NELL1: variants seen among roughly 807,000 people sequenced by gnomAD.
NELL1 encodes the protein neural EGFL like 1, also known as protein kinase C-binding protein NELL1.
In NELL1, 76 loss-of-function variants were observed where a neutral mutation model predicts 107.4. The ratio of observed to expected loss-of-function variants is 0.71; its 90% CI spans 0.59 to 0.86. NELL1 has a LOEUF of 0.86. Ranked by LOEUF, NELL1 falls within the 40% of genes least tolerant of loss-of-function variation. The pLI is 0.00. For missense variants in NELL1, 1,024 were observed against 1,005.5 expected (o/e 1.02, Z -0.25); for synonymous variants, 353 against 341.2 (o/e 1.03, Z -0.38).
At chr11:21,062,638 A>G (rs540754582) in intron 12 of NELL1, among the ~76,000 whole-genome samples, 1 of 152,270 alleles carries the variant, frequency 6.6e-6, no homozygotes, top group Non-Finnish European at 1.5e-5. Flanking sequence ...TGGAATTACC[A>G]TTGATCCTAC....
intron 5 of NELL1, among the ~76,000 whole-genome samples, chr11:20,891,741 C>T (rs555228926): frequency 8.6e-5 from 13 of 151,962 alleles, no homozygotes; most frequent in South Asian, 2.1e-4. Context: ...GACTTTAAAC[C>T]GACAAAGATA....
intron 2 of NELL1, among the ~76,000 whole-genome samples, chr11:20,680,087 T>C (rs368163485): frequency 1.3e-5 from 2 of 152,156 alleles, no homozygotes; most frequent in Non-Finnish European, 2.9e-5. Context: ...GAGAAGGCCT[T>C]TCGCTTATAT....
At chr11:20,815,626 T>G (rs184667254) in intron 3 of NELL1, among the ~76,000 whole-genome samples, 1 of 152,342 alleles carries the variant, frequency 6.6e-6, no homozygotes, top group African/African-American at 2.4e-5. Context: ...TGTTAATAGT[T>G]TATCTTGCTG....
At chr11:21,560,916 G>T (rs924113088) in intron 17 of NELL1, among the ~76,000 whole-genome samples, 1 of 151,956 alleles carries the variant, frequency 6.6e-6, no homozygotes, top group African/African-American at 2.4e-5. Context: ...GTTATTCTCA[G>T]TGCTGGGCCA....
At chr11:21,214,083 C>G (rs934611166) in intron 13 of NELL1, among the ~76,000 whole-genome samples, 1 of 152,064 alleles carries the variant, frequency 6.6e-6, no homozygotes, top group Admixed American at 6.5e-5. Context: ...CAATAAAGGC[C>G]TTATACAGGG....
intron 5 of NELL1, among the ~76,000 whole-genome samples, chr11:20,906,001 C>G (rs1849989540): frequency 6.6e-6 from 1 of 152,042 alleles, no homozygotes; most frequent in Admixed American, 6.6e-5. Context: ...ATAAAACCAT[C>G]AAAAGATAAA....
chr11:20,690,119 T>C (rs1854422540), intron 2 of NELL1, among the ~76,000 whole-genome samples: 1 of 152,238 alleles, frequency 6.6e-6, no homozygotes, highest in Non-Finnish European at 1.5e-5. Flanking sequence ...CTTTGCCCAC[T>C]TTTTGATGGG....
Position 20,825,846 on chromosome 11 carries a change from CA to C in NELL1, c.336-21736del, listed in dbSNP as rs1172775822. Reference sequence around the variant, plus strand: ...AACACATTTCAAACCTGGGAGGGGCCAGGGGTGGAATGATATGGTCCGGCTC... The same window carrying C: ...AACACATTTCAAACCTGGGAGGGGCCGGGGTGGAATGATATGGTCCGGCTC... On this transcript the variant is annotated intron_variant, in intron 3 of 19. Transcript: ENST00000357134. Among the ~76,000 whole-genome samples the C allele has an allele frequency of 2.6e-5, 4 of 151,020 alleles. 1 individual carries two copies. Among genetic ancestry groups the C allele is most frequent in the Non-Finnish European group, 5.9e-5 (4 of 67,448 alleles).
chr11:21,024,714 G>A (rs1001124936), intron 12 of NELL1, among the ~76,000 whole-genome samples: 14 of 152,066 alleles, frequency 9.2e-5, no homozygotes, highest in Admixed American at 4.6e-4. Context: ...CAGCAAAAAT[G>A]ATCTTCCTTC....
rs191412387 is a variant in NELL1, at chr11:21,195,187, G to T, written c.1427-34145G>T. On this transcript the variant is annotated intron_variant, in intron 13 of 19. Transcript: ENST00000357134. Reference sequence around the variant, plus strand: ...AGCACATGCCCAGTAAAAAATACATGCTTAAGAAATTATTGCTATTATTAT... The same window carrying T: ...AGCACATGCCCAGTAAAAAATACATTCTTAAGAAATTATTGCTATTATTAT... 7.9e-4 allele frequency among the ~76,000 whole-genome samples: 120 copies of T among 152,218 alleles called. 1 individual carries two copies. Among genetic ancestry groups the T allele is most frequent in the African/African-American group, 2.8e-3 (115 of 41,528 alleles).
At chr11:21,038,868 A>AT (rs1181819575) in intron 12 of NELL1, among the ~76,000 whole-genome samples, 1 of 152,072 alleles carries the variant, frequency 6.6e-6, no homozygotes, top group African/African-American at 2.4e-5. Flanking sequence ...ATTTCAGATG[A>AT]TTTTTTTGTT....
intron 14 of NELL1, among the ~76,000 whole-genome samples, chr11:21,277,514 A>G (rs1308846313): frequency 6.6e-6 from 1 of 152,052 alleles, no homozygotes; most frequent in East Asian, 1.9e-4. Context: ...ATCTAGAACT[A>G]GAAATACCAT....
intron 12 of NELL1, among the ~76,000 whole-genome samples, chr11:21,100,948 T>C (rs7115020): frequency 0.27 from 39,840 of 150,314 alleles, 5,875 homozygotes; most frequent in African/African-American, 0.38. Context: ...AGTAACTTGT[T>C]ATTTAACATT....
At chr11:20,755,533 G>GTTTTTTTTT (rs1564894850) in intron 2 of NELL1, among the ~76,000 whole-genome samples, 3 of 60,576 alleles carry the variant, frequency 5.0e-5, no homozygotes, top group African/African-American at 1.3e-4. Context: ...GACCTGTGTG[G>GTTTTTTTTT]GTTTTTGTTT....
chr11:21,227,718 T>C (rs1235983064), intron 13 of NELL1, among the ~76,000 whole-genome samples: 1 of 152,204 alleles, frequency 6.6e-6, no homozygotes, highest in African/African-American at 2.4e-5. Flanking sequence ...AGAAATCTTA[T>C]CTTCTTTTCT....
chr11:21,215,447 A>C (rs1295769806), intron 13 of NELL1, among the ~76,000 whole-genome samples: 7 of 152,236 alleles, frequency 4.6e-5, no homozygotes, highest in Non-Finnish European at 1.0e-4. Flanking sequence ...AAGGATACCC[A>C]AAAATGTGGA....
intron 13 of NELL1, among the ~76,000 whole-genome samples, chr11:21,186,084 TTC>T (rs1856929002): frequency 2.0e-5 from 3 of 151,974 alleles, no homozygotes; most frequent in African/African-American, 4.8e-5. Flanking sequence ...GGCTTCTTAT[TTC>T]TCTGTCTCTC....
chr11:21,039,787 A>G (rs1052318872), intron 12 of NELL1, among the ~76,000 whole-genome samples: 5 of 152,192 alleles, frequency 3.3e-5, no homozygotes, highest in African/African-American at 4.8e-5. Context: ...ATTGGAGGGT[A>G]GGAATTCCCA....
intron 14 of NELL1, among the ~76,000 whole-genome samples, chr11:21,330,637 TG>T (rs1850252737): frequency 6.6e-6 from 1 of 152,082 alleles, no homozygotes; most frequent in South Asian, 2.1e-4. Context: ...ATTTTTCCTT[TG>T]CTGTTTTCCT....
Sources: allele counts gnomAD v4.1 joint callset (sites outside exome capture counted in the v4.1 genomes callset), GRCh38; gene constraint gnomAD v4.1.1; transcripts MANE v1.5; gene names NCBI Gene and HGNC (gene_info 2026-07-23, HGNC 2026-07-21).